DCAF6: variants seen among roughly 807,000 people sequenced by gnomAD.
DCAF6 encodes DDB1- and CUL4-associated factor 6.
DCAF6 carries 54 observed loss-of-function variants against 125.1 expected under a neutral mutation model. That is an observed-to-expected ratio of 0.43 (90% CI 0.35 to 0.54). DCAF6 has a LOEUF of 0.54. Among genes scored for constraint, DCAF6 ranks in the 20% least tolerant of loss-of-function variants. The pLI is 0.01. For synonymous variants in DCAF6, 371 were observed against 390.4 expected (o/e 0.95, Z 0.58); for missense variants, 934 against 1,161.7 (o/e 0.80, Z 2.85).
intron 17 of DCAF6, among the ~76,000 whole-genome samples, chr1:168,058,914 T>A (rs892209210): frequency 2.0e-5 from 3 of 152,216 alleles, no homozygotes; most frequent in African/African-American, 7.2e-5. Flanking sequence ...GTTGTTTTTC[T>A]TTTCCTTATT....
At chr1:167,874,559 G>A in the DCAF6 span, among the ~76,000 whole-genome samples, 1 of 96,356 alleles carries the variant, frequency 1.0e-5, no homozygotes, top group Non-Finnish European at 2.1e-5. Flanking sequence ...AACCATTTTG[G>A]AAAACTATTT....
the DCAF6 span, among the ~76,000 whole-genome samples, chr1:167,905,836 G>C: frequency 6.6e-6 from 1 of 152,098 alleles, no homozygotes; most frequent in Admixed American, 6.6e-5. Flanking sequence ...TGCCCAGTTA[G>C]TTCTGAGAAA....
the DCAF6 span, among the ~76,000 whole-genome samples, chr1:167,928,070 C>T: frequency 6.6e-6 from 1 of 152,102 alleles, no homozygotes; most frequent in African/African-American, 2.4e-5. Context: ...AAAGGTCGGC[C>T]GGGCGCGGTG....
chr1:167,972,068 C>T (rs1677408869), intron 3 of DCAF6, among the ~76,000 whole-genome samples: 1 of 152,146 alleles, frequency 6.6e-6, no homozygotes, highest in South Asian at 2.1e-4. Flanking sequence ...GTTGGGCAGG[C>T]TGGTCTCGAA....
At chr1:168,021,171 C>T (rs1467501721) in intron 11 of DCAF6, among the ~76,000 whole-genome samples, 1 of 151,974 alleles carries the variant, frequency 6.6e-6, no homozygotes, top group African/African-American at 2.4e-5. Context: ...AAATAAGATG[C>T]ATTTTATCTG....
chr1:167,982,392 C>T (rs7553070), intron 4 of DCAF6, among the ~76,000 whole-genome samples: 16,409 of 152,040 alleles, frequency 0.11, 979 homozygotes, highest in African/African-American at 0.16. Flanking sequence ...TAGGCGCATG[C>T]AACCACGCCC....
At chr1:167,919,991 A>G in the DCAF6 span, 5 of 1,611,522 alleles carry the variant, frequency 3.1e-6, no homozygotes, top group African/African-American at 4.0e-5. Context: ...CCAAATACGA[A>G]AAAGCTGAGA....
At chr1:168,062,499 C>T (rs896132861) in intron 17 of DCAF6, among the ~76,000 whole-genome samples, 22 of 152,084 alleles carry the variant, frequency 1.4e-4, no homozygotes, top group African/African-American at 5.3e-4. Context: ...TTCTGATATA[C>T]ATAAAAGTCT....
At position 167,991,301 on chromosome 1, in the gene DCAF6, G is replaced by A. The variant is rs1553226124; in HGVS notation, c.650G>A (p.Arg217Gln). The change falls in exon 6 of 22, where the codon CGA becomes CAA. Residue 217 changes from arginine (R) to glutamine (Q), a missense_variant. Coordinates refer to ENST00000367840, the MANE Select transcript of DCAF6 (RefSeq NM_001198956.2). ...LAVGCSDSSV[R>Q]IYDRRMLGTR... is the part of the protein sequence containing the mutation. The stretch of plus-strand genomic sequence containing the variant: ...GTTGGTTGTTCTGACAGCTCAGTAC[G>A]AATATATGATCGGCGAATGCTGGGC... 1 of 1,613,096 alleles carries A rather than the reference G, an allele frequency of 6.2e-7. No individual in the cohort carries two copies. Among genetic ancestry groups the A allele is most frequent in the Non-Finnish European group, 8.5e-7 (1 of 1,179,570 alleles).
At chr1:168,055,340 T>A (rs1361185631) in intron 17 of DCAF6, among the ~76,000 whole-genome samples, 2 of 5,700 alleles carry the variant, frequency 3.5e-4, no homozygotes, top group Admixed American at 3.5e-3. Flanking sequence ...AGTTTTTTTT[T>A]TTTTTTTTTT....
chr1:168,056,269 T>G (rs1690770440), intron 17 of DCAF6: 13 of 1,611,144 alleles, frequency 8.1e-6, no homozygotes, highest in Non-Finnish European at 1.0e-5. Flanking sequence ...TCTGTGAATT[T>G]ACGCACCGAG....
At chr1:167,914,530 G>C in the DCAF6 span, among the ~76,000 whole-genome samples, 2 of 152,156 alleles carry the variant, frequency 1.3e-5, no homozygotes, top group South Asian at 2.1e-4. Flanking sequence ...ATATTTGTGA[G>C]GTAAATTTTT....
At chr1:167,987,642 A>G in intron 5 of DCAF6, 34 bp downstream of exon 5, 1 of 1,113,064 alleles carries the variant, frequency 9.0e-7, no homozygotes, top group Non-Finnish European at 1.4e-6. Context: ...ATGATGCAGA[A>G]AAAATTAAGG....
At position 168,042,409 on chromosome 1, in the gene DCAF6, C is replaced by T. The variant is rs553134491; in HGVS notation, c.1728-616C>T. On this transcript the variant is annotated intron_variant, in intron 13 of 21. Transcript: ENST00000367840. The stretch of plus-strand genomic sequence containing the variant: ...TTCTTTAAAAATTGGCCTCGTATTC[C>T]GCTATAGCTAGAAATGCTAATAGAA... Among the ~76,000 whole-genome samples, 54 of 151,944 alleles carry T rather than the reference C, an allele frequency of 3.6e-4. 1 individual carries two copies. Among genetic ancestry groups the T allele is most frequent in the African/African-American group, 1.3e-3 (52 of 41,428 alleles).
the DCAF6 span, among the ~76,000 whole-genome samples, chr1:167,879,745 T>C: frequency 1.3e-5 from 2 of 152,236 alleles, no homozygotes; most frequent in Non-Finnish European, 2.9e-5. Context: ...TACTCTCTTT[T>C]GAGAGTGTCA....
intron 12 of DCAF6, among the ~76,000 whole-genome samples, chr1:168,037,310 T>C (rs1042513465): frequency 1.3e-5 from 2 of 152,208 alleles, no homozygotes; most frequent in Non-Finnish European, 2.9e-5. Context: ...TATTTGCTTT[T>C]ATGAAATTGT....
intron 10 of DCAF6, 100 bp downstream of exon 10, chr1:168,004,893 G>A: frequency 1.5e-6 from 2 of 1,299,314 alleles, no homozygotes; most frequent in South Asian, 3.1e-5. Context: ...ACTTCTTGTT[G>A]GAATAAATGA....
intron 3 of DCAF6, among the ~76,000 whole-genome samples, chr1:167,973,632 C>A (rs1452761481): frequency 6.6e-6 from 1 of 152,064 alleles, no homozygotes; most frequent in Non-Finnish European, 1.5e-5. Flanking sequence ...TGATGTTATT[C>A]TTTTTGATAC....
At chr1:167,985,064 C>T (rs1313945744) in intron 4 of DCAF6, among the ~76,000 whole-genome samples, 1 of 151,990 alleles carries the variant, frequency 6.6e-6, no homozygotes, top group Non-Finnish European at 1.5e-5. Flanking sequence ...ACTTATGCAC[C>T]ATCACAAGAA....
Sources: gnomAD v4.1 joint callset for allele counts (sites outside exome capture counted in the v4.1 genomes callset) on GRCh38, gnomAD v4.1.1 for gene constraint, MANE v1.5 for transcripts, NCBI Gene and HGNC (gene_info 2026-07-23, HGNC 2026-07-21) for gene names.